TTC31: variants seen among roughly 807,000 people sequenced by gnomAD.
TTC31 encodes the protein tetratricopeptide repeat protein 31.
In TTC31, 59 loss-of-function variants were observed where a neutral mutation model predicts 60.4. The ratio of observed to expected loss-of-function variants is 0.98; its 90% confidence interval spans 0.79 to 1.21. TTC31 has a LOEUF of 1.21. Among genes scored for constraint, TTC31 ranks in the 50% most tolerant of loss-of-function variants. The pLI is 0.00. For synonymous variants in TTC31, 225 were observed against 249.6 expected (o/e 0.90, Z 0.93); for missense variants, 672 against 646.9 (o/e 1.04, Z -0.42).
chr2:74,488,808 C>T (rs1014887842), intron 2 of TTC31, among the ~76,000 whole-genome samples: 4 of 152,132 alleles, frequency 2.6e-5, no homozygotes, highest in Admixed American at 2.6e-4. Context: ...CTCACACCTG[C>T]AATCCCAGCA....
In TTC31 at chr2:74,490,386, A is replaced by G. The variant is rs1378525380; in HGVS notation, c.375A>G (p.Gln125=). 1 of 1,613,888 alleles carries G rather than the reference A, an allele frequency of 6.2e-7. No individual in the cohort carries two copies. The highest frequency in any genetic ancestry group is 8.5e-7 in the Non-Finnish European group (1 of 1,179,986). ...YPPQESEPCP[Q]SPSASATFPS... ...CCCAAGAGTCTGAGCCCTGCCCTCAAAGCCCCTCTGCCTCTGCCACCTTCC... is the reference window on the plus strand; with the variant it reads ...CCCAAGAGTCTGAGCCCTGCCCTCAGAGCCCCTCTGCCTCTGCCACCTTCC... Residue 125 remains glutamine (Q), a synonymous_variant, in exon 4 of 13, where the codon CAA becomes CAG. Transcript: ENST00000233623.
chr2:74,490,936 C>T, intron 5 of TTC31, 192 bp from the exon 6 acceptor site: 1 of 902,900 alleles, frequency 1.1e-6, no homozygotes, highest in Non-Finnish European at 1.7e-6. Flanking sequence ...TACTGTGCTG[C>T]CTAGGTAGGA....
chr2:74,491,078 G>A (rs534627657), intron 5 of TTC31, 50 bp from the exon 6 acceptor site: 7 of 1,607,574 alleles, frequency 4.4e-6, no homozygotes, highest in East Asian at 2.2e-5. Context: ...CCCAGCACAC[G>A]ACATACAGTA....
At position 74,491,327 on chromosome 2, in the gene TTC31, C is replaced by T. The variant is rs767711542; in HGVS notation, c.636C>T (p.Pro212=). ...CTACCTCAGATGGAGATGAGAGCCCCCCATCCAGCCCTGGAAACCCAGTTC... is the reference window on the plus strand; with the variant it reads ...CTACCTCAGATGGAGATGAGAGCCCTCCATCCAGCCCTGGAAACCCAGTTC... ...ASTTSDGDES[P]PSSPGNPVQG... Residue 212 remains proline, a synonymous_variant, in exon 7 of 13, where the codon CCC becomes CCT. Transcript: ENST00000233623. 6.8e-6 allele frequency: 11 copies of T among 1,614,208 alleles called. No homozygotes were observed. In the South Asian group the frequency reaches 1.2e-4, roughly 18 times the overall value.
chr2:74,493,461 C>A lies in TTC31; in HGVS notation c.*243C>A. The A allele has an allele frequency of 2.0e-6, 1 of 509,430 alleles. No homozygotes were observed. The highest frequency in any genetic ancestry group is 3.5e-6 in the Non-Finnish European group (1 of 289,286). The allele number at this position is 509,430 out of a possible 1,614,324, so 31.6% of individuals were successfully genotyped here. The stretch of plus-strand genomic sequence containing the variant: ...GGCAGTAAGGAAAAATAAAACCCAC[C>A]AAGGCTCAAGAAGGGAACTATAGAA... On this transcript the variant is annotated 3_prime_UTR_variant, in exon 13 of 13. Coordinates refer to ENST00000233623, the MANE Select transcript of TTC31 (RefSeq NM_022492.6).
Position 74,492,937 on chromosome 2 carries a change from G to C in TTC31, c.1279G>C (p.Gly427Arg). 6.2e-7 allele frequency: 1 copy of C among 1,607,142 alleles called. No homozygotes were observed. ...LHLTLQGQRG[G>R]ICAPPLSPGA... is the part of the protein sequence containing the mutation. ...CCCTTCTCAGCAGGGTCAGCGAGGA[G>C]GAATCTGTGCACCACCTCTGTCACC... The change falls in exon 13 of 13, where the codon GGA (glycine) becomes CGA (arginine). Residue 427 changes from glycine to arginine, a missense_variant. Gly to Arg is a moderately radical substitution (Grantham distance 125). Coordinates refer to ENST00000233623, the MANE Select transcript of TTC31 (RefSeq NM_022492.6).
At chr2:74,490,158 C>T (rs772397267) in intron 3 of TTC31, 31 bp downstream of exon 3, 15 of 1,609,124 alleles carry the variant, frequency 9.3e-6, no homozygotes, top group African/African-American at 4.0e-5. Flanking sequence ...GCCCAGGGAT[C>T]GAGGCTGGTA....
chr2:74,489,769 T>A (rs565724925), intron 2 of TTC31, among the ~76,000 whole-genome samples: 1 of 151,888 alleles, frequency 6.6e-6, no homozygotes, highest in Non-Finnish European at 1.5e-5. Flanking sequence ...TCCTGGATGG[T>A]AGAGGAGGCC....
At chr2:74,490,986 T>C (rs1166197511) in intron 5 of TTC31, 142 bp from the exon 6 acceptor site, 2 of 1,175,186 alleles carry the variant, frequency 1.7e-6, no homozygotes, top group African/African-American at 3.1e-5. Flanking sequence ...GGTGCCTCTC[T>C]TGTCTGCTTT....
chr2:74,489,988 C>A (rs1673620396), intron 2 of TTC31, 37 bp from the exon 3 acceptor site: 5 of 1,455,922 alleles, frequency 3.4e-6, no homozygotes, highest in South Asian at 1.2e-5. Context: ...GAACTGCCCC[C>A]AACACCAGCC....
At position 74,493,284 on chromosome 2, in the gene TTC31, G is replaced by T; in HGVS notation, c.*66G>T. On this transcript the variant is annotated 3_prime_UTR_variant, in exon 13 of 13. Transcript: ENST00000233623. ...CCCTTGGTGGGGGACATAGTGTGGT[G>T]ACAGTTCACTGCATATTTTGAGACC... 6.6e-7 allele frequency: 1 copy of T among 1,507,252 alleles called. No homozygotes were observed. 93.4% of individuals were successfully genotyped at this position (1,507,252 alleles called of 1,614,324 possible).
At position 74,483,369 on chromosome 2, in the gene TTC31, A is replaced by C. The variant is rs948379043; in HGVS notation, c.88A>C (p.Lys30Gln). The part of the protein sequence containing the change: ...SCPLEVAAAP[K>Q]LCKEFGPEDY... ...CCCACTGGAGGTCGCTGCTGCACCC[A>C]AACTTTGCAAGGAATTCGGTCCAGA... Residue 30 changes from lysine to glutamine, a missense_variant, in exon 2 of 13, where the codon AAA becomes CAA. Physicochemically the swap from Lys to Gln is moderately conservative, Grantham distance 53. Transcript: ENST00000233623. The C allele has an allele frequency of 6.2e-7, 1 of 1,614,210 alleles. No individual in the cohort carries two copies. Among genetic ancestry groups the C allele is most frequent in the Non-Finnish European group, 8.5e-7 (1 of 1,180,038 alleles).
At chr2:74,485,021 T>A (rs1379221109) in intron 2 of TTC31, among the ~76,000 whole-genome samples, 1 of 151,206 alleles carries the variant, frequency 6.6e-6, no homozygotes, top group Non-Finnish European at 1.5e-5. Flanking sequence ...TCACTAAAAT[T>A]TACTTTTTTT....
chr2:74,483,288 C>G (rs754278748), intron 1 of TTC31, 34 bp from the exon 2 acceptor site: 2 of 1,613,512 alleles, frequency 1.2e-6, no homozygotes. Flanking sequence ...CTGTCCCGAG[C>G]CCGCTGACGA....
rs1466628208 is a variant in TTC31, at chr2:74,490,301, G to C, written c.290G>C (p.Gly97Ala). 6.2e-7 allele frequency: 1 copy of C among 1,614,140 alleles called. No homozygotes were observed. The highest frequency in any genetic ancestry group is 1.1e-5 in the South Asian group (1 of 91,082). ...EGKSTGQSDR[G>A]KGAEGLGTYC... ...AAATCAACTGGACAGAGTGACAGGG[G>C]CAAGGGGGCTGAGGGACTGGGCACC... Residue 97 changes from glycine to alanine, a missense_variant, in exon 4 of 13, where the codon GGC becomes GCC. Physicochemically the swap from Gly to Ala is moderately conservative, Grantham distance 60 (BLOSUM62 0). Coordinates refer to ENST00000233623, the MANE Select transcript of TTC31 (RefSeq NM_022492.6).
rs1240067721 is a variant in TTC31 at position 74,491,709 on chromosome 2, T to C, written c.876+37T>C. 17 of 1,605,248 alleles carry C rather than the reference T, an allele frequency of 1.1e-5. No individual in the cohort carries two copies. The Middle Eastern group carries it at 6.6e-4, about 63-fold the overall frequency. On this transcript the variant is annotated intron_variant, in intron 8 of 12. Transcript: ENST00000233623. ...GAAGAACCTTATTCAGCTGGAACCG[T>C]GGAAGGGGCACAAGGAGCTGCTGGG...
intron 2 of TTC31, among the ~76,000 whole-genome samples, chr2:74,489,465 G>A (rs1469780447): frequency 1.3e-5 from 2 of 152,200 alleles, no homozygotes; most frequent in Non-Finnish European, 2.9e-5. Flanking sequence ...GCTCTGAATC[G>A]TAGGCTGAGG....
In TTC31 at chr2:74,483,152, G is replaced by T; in HGVS notation, c.40+17G>T. 6.2e-7 allele frequency: 1 copy of T among 1,614,246 alleles called. No individual in the cohort carries two copies. The highest frequency in any genetic ancestry group is 8.5e-7 in the Non-Finnish European group (1 of 1,180,044). Reference sequence around the variant, plus strand: ...TCAAGCTAGGTGAGCGGTATGACAAGACCAGTGGGGGTCTAGGAGGGCAGA... The same window carrying T: ...TCAAGCTAGGTGAGCGGTATGACAATACCAGTGGGGGTCTAGGAGGGCAGA... On this transcript the variant is annotated intron_variant, in intron 1 of 12. Coordinates refer to ENST00000233623, the MANE Select transcript of TTC31 (RefSeq NM_022492.6).
chr2:74,489,593 G>A (rs1673564180), intron 2 of TTC31, among the ~76,000 whole-genome samples: 1 of 152,138 alleles, frequency 6.6e-6, no homozygotes, highest in Non-Finnish European at 1.5e-5. Context: ...GCAGAGGAGC[G>A]GCCAGCCAGG....
Sources: gnomAD v4.1 joint callset for allele counts (sites outside exome capture counted in the v4.1 genomes callset) on GRCh38, gnomAD v4.1.1 for gene constraint, MANE v1.5 for transcripts, NCBI Gene and HGNC (gene_info 2026-07-23, HGNC 2026-07-21) for gene names.